Variants in UBR2 observed in about 807,000 individuals in gnomAD.
The protein encoded by UBR2 is E3 ubiquitin-protein ligase UBR2.
A neutral mutation model predicts 247.9 loss-of-function variants in UBR2; 92 were observed. That is an observed-to-expected ratio of 0.37 (90% CI 0.31 to 0.44). The LOEUF (loss-of-function observed/expected upper bound fraction) is 0.44. Ranked by LOEUF, UBR2 falls within the 20% of genes least tolerant of loss-of-function variation. UBR2 has a pLI of 1.00. For missense variants in UBR2, 1,613 were observed against 2,112.6 expected (o/e 0.76, Z 4.64); for synonymous variants, 672 against 693.5 (o/e 0.97, Z 0.49).
chr6:42,601,623 C>T (rs529123508), intron 4 of UBR2, among the ~76,000 whole-genome samples: 92 of 145,618 alleles, frequency 6.3e-4, no homozygotes, highest in African/African-American at 2.3e-3. Flanking sequence ...GGGAGGCGGA[C>T]GTTACAGTGA....
At chr6:42,631,719 T>TA (rs1025826879) in intron 11 of UBR2, among the ~76,000 whole-genome samples, 1 of 151,018 alleles carries the variant, frequency 6.6e-6, no homozygotes. Flanking sequence ...CCATATCAAG[T>TA]AAAAAAATGT....
chr6:42,648,364 C>T (rs754509959), intron 22 of UBR2, among the ~76,000 whole-genome samples, 194 bp downstream of exon 22: 4 of 152,186 alleles, frequency 2.6e-5, no homozygotes, highest in East Asian at 3.8e-4. Context: ...TACTCAGCAA[C>T]GTAAAGTGAC....
At position 42,655,703 on chromosome 6, in the gene UBR2, C is replaced by T; in HGVS notation, c.2852C>T (p.Thr951Ile). Residue 951 changes from threonine (T) to isoleucine (I), a missense_variant, in exon 26 of 47, where the codon ACC becomes ATC. This residue lies in a region of UBR2 where 1,524 missense variants were observed against 1,967.3 expected (regional missense o/e 0.77). Coordinates refer to ENST00000372901, the MANE Select transcript of UBR2 (RefSeq NM_001363705.2). Reference protein sequence around the residue: ...NVTEEHVVTFTFTQKISKPGE... With the variant: ...NVTEEHVVTFIFTQKISKPGE... ...ACGGAAGAGCATGTAGTAACATTTA[C>T]CTTCACTCAGAAGATATCAAGTATG... is the stretch of plus-strand genomic sequence containing the variant. The T allele has an allele frequency of 6.5e-7, 1 of 1,545,168 alleles. No homozygotes were observed. Among genetic ancestry groups the T allele is most frequent in the South Asian group, 1.3e-5 (1 of 79,348 alleles).
chr6:42,622,487 C>T (rs1483378809), intron 11 of UBR2, among the ~76,000 whole-genome samples: 8 of 150,810 alleles, frequency 5.3e-5, no homozygotes, highest in Admixed American at 1.3e-4. Flanking sequence ...CTGCAGCCTC[C>T]GCCTCCTAGG....
chr6:42,575,214 A>G (rs904168198), intron 2 of UBR2, among the ~76,000 whole-genome samples: 1 of 152,140 alleles, frequency 6.6e-6, no homozygotes, highest in Non-Finnish European at 1.5e-5. Context: ...TTTTTCCTTT[A>G]AACTTTTTCC....
At chr6:42,646,203 G>T (rs1355760690) in intron 21 of UBR2, among the ~76,000 whole-genome samples, 1 of 152,124 alleles carries the variant, frequency 6.6e-6, no homozygotes, top group African/African-American at 2.4e-5. Flanking sequence ...ATTGAGAAGA[G>T]ACTTTATTTT....
At chr6:42,621,019 C>T (rs1195473014) in intron 11 of UBR2, among the ~76,000 whole-genome samples, 1 of 152,022 alleles carries the variant, frequency 6.6e-6, no homozygotes. Flanking sequence ...GACGGGGTTT[C>T]ACTATGTTGG....
rs988265429 is a variant in UBR2 at position 42,660,769 on chromosome 6, C to A, written c.3442+914C>A. ...CTGAGGTCAGGAGTTCAAGACCAGC[C>A]TGGCCAACATGGCGAAACCCCATCT... On this transcript the variant is annotated intron_variant, in intron 30 of 46. Coordinates refer to ENST00000372901, the MANE Select transcript of UBR2 (RefSeq NM_001363705.2). Among the ~76,000 whole-genome samples the A allele has an allele frequency of 4.0e-5, 6 of 151,440 alleles. No homozygotes were observed. The East Asian group carries it at 1.2e-3, about 30-fold the overall frequency.
At chr6:42,564,478 G>GAGCA in intron 1 of UBR2, 81 bp downstream of exon 1, 1 of 1,489,916 alleles carries the variant, frequency 6.7e-7, no homozygotes, top group Non-Finnish European at 9.1e-7. Flanking sequence ...GGACGTCCTG[G>GAGCA]AGCAGCCCGA....
intron 46 of UBR2, among the ~76,000 whole-genome samples, chr6:42,690,161 A>ATTCCCCCAAGCACTATTAAAGAAC (rs1799673308): frequency 6.6e-6 from 1 of 152,248 alleles, no homozygotes; most frequent in Non-Finnish European, 1.5e-5. Context: ...TAAGCTAACA[A>ATTCCCCCAAGCACTATTAAAGAAC]TTCCCCCAAG....
At chr6:42,650,194 C>T (rs1797033594) in intron 22 of UBR2, 90 bp from the exon 23 acceptor site, 14 of 1,055,238 alleles carry the variant, frequency 1.3e-5, no homozygotes, top group East Asian at 4.9e-5. Flanking sequence ...TATATGAGAG[C>T]TCTGCTTTCT....
In UBR2 at chr6:42,648,188, T is replaced by C. The variant is rs1317102586; in HGVS notation, c.2462+18T>C. The C allele has an allele frequency of 3.7e-6, 6 of 1,605,898 alleles. No homozygotes were observed. The highest frequency in any genetic ancestry group is 5.1e-6 in the Non-Finnish European group (6 of 1,172,594). ...CATTTCAAGTGAGTTTACTTCCTAT[T>C]ATTTCACATTCTTTTTTACTTTTCC... On this transcript the variant is annotated intron_variant, in intron 22 of 46. Transcript: ENST00000372901.
chr6:42,687,490 A>G (rs1799508718), intron 44 of UBR2, among the ~76,000 whole-genome samples: 1 of 152,050 alleles, frequency 6.6e-6, no homozygotes, highest in African/African-American at 2.4e-5. Flanking sequence ...GGAGAGGGAG[A>G]GAAGAGAGGG....
chr6:42,688,744 A>G (rs976899080), intron 45 of UBR2, among the ~76,000 whole-genome samples: 1 of 152,172 alleles, frequency 6.6e-6, no homozygotes, highest in Non-Finnish European at 1.5e-5. Flanking sequence ...CCACTTATAC[A>G]TATTATCACA....
At chr6:42,596,266 A>G (rs902623939) in intron 4 of UBR2, among the ~76,000 whole-genome samples, 2 of 151,762 alleles carry the variant, frequency 1.3e-5, no homozygotes, top group Admixed American at 6.6e-5. Flanking sequence ...GCTGAACATC[A>G]TTAGTCATTA....
chr6:42,689,169 G>A lies in UBR2; in HGVS notation c.5025-400G>A, dbSNP rs945996591. 6.6e-6 allele frequency among the ~76,000 whole-genome samples: 1 copy of A among 152,184 alleles called. No individual in the cohort carries two copies. Among genetic ancestry groups the A allele is most frequent in the Non-Finnish European group, 1.5e-5 (1 of 68,034 alleles). ...GTGAGAGAATCCAGGGGCCTGCTGT[G>A]TGCTGGTGACATCTCTGGGCAAGGT... On this transcript the variant is annotated intron_variant, in intron 45 of 46. Transcript: ENST00000372901. This position sits in a 1 kb window ranked among gnomAD's most constrained non-coding sequence, Gnocchi z 4.0.
At chr6:42,640,849 C>A (rs1796399975) in intron 16 of UBR2, among the ~76,000 whole-genome samples, 1 of 152,002 alleles carries the variant, frequency 6.6e-6, no homozygotes, top group Non-Finnish European at 1.5e-5. Context: ...CCTGCCTCAG[C>A]CTCCCAAGAA....
intron 2 of UBR2, among the ~76,000 whole-genome samples, chr6:42,589,216 A>T (rs1166071996): frequency 6.6e-6 from 1 of 152,072 alleles, no homozygotes; most frequent in Non-Finnish European, 1.5e-5. Context: ...CGATCCTCTC[A>T]CCTCAGCCTC....
At chr6:42,664,202 A>G (rs911263454) in intron 32 of UBR2, 1 of 152,216 alleles carries the variant, frequency 6.6e-6, no homozygotes, top group African/African-American at 2.4e-5. Context: ...TTGGAACGAT[A>G]AAGAGAAGAT....
Sources: allele counts gnomAD v4.1 joint callset (sites outside exome capture counted in the v4.1 genomes callset), GRCh38; gene constraint gnomAD v4.1.1; regional missense constraint gnomAD v4.1.1; non-coding constraint Gnocchi (gnomAD v3.1); transcripts MANE v1.5; gene names NCBI Gene and HGNC (gene_info 2026-07-23, HGNC 2026-07-21).